The following TRAP1 variants were observed in gnomAD, a reference collection of about 807,000 sequenced individuals.
TRAP1 encodes heat shock protein 75 kDa, mitochondrial.
TRAP1 carries 102 observed loss-of-function variants against 89.1 expected under a neutral mutation model. The observed-to-expected ratio is 1.15, with a 90% CI of 0.98 to 1.35. The LOEUF (loss-of-function observed/expected upper bound fraction) is 1.35. Among genes scored for constraint, TRAP1 ranks in the 40% most tolerant of loss-of-function variants. TRAP1 has a pLI of 0.00. For missense variants in TRAP1, 1,256 were observed against 945.3 expected, an observed-to-expected ratio of 1.33 and a Z score of -4.31; for synonymous variants, 508 against 388.0, an observed-to-expected ratio of 1.31 and a Z score of -3.64.
chr16:3,665,595 C>T (rs919335603), intron 12 of TRAP1: 2 of 225,328 alleles, frequency 8.9e-6, no homozygotes, highest in African/African-American at 2.3e-5. Context: ...ACTGAGACCA[C>T]CCACTTCCCC....
chr16:3,711,476 G>A (rs1440834089), intron 1 of TRAP1, among the ~76,000 whole-genome samples: 2 of 152,058 alleles, frequency 1.3e-5, no homozygotes, highest in Non-Finnish European at 2.9e-5. Context: ...GTGCATGCCT[G>A]TAGCCCCAGC....
intron 1 of TRAP1, among the ~76,000 whole-genome samples, chr16:3,706,613 C>A (rs368584757): frequency 2.3e-4 from 35 of 152,014 alleles, no homozygotes; most frequent in African/African-American, 7.7e-4. Context: ...GCATGTGCCA[C>A]CACACCCAGC....
Position 3,679,658 on chromosome 16 carries a change from A to AC in TRAP1, c.543+60dup, listed in dbSNP as rs1275183647. ...TAATCTGGCACCCAGGGCCACCCCT[A>AC]CTGGAGGGATCCTTGCACCCTGAGG... On this transcript the variant is annotated intron_variant, in intron 5 of 17. Transcript: ENST00000246957. The AC allele has an allele frequency of 7.0e-6, 11 of 1,570,714 alleles. No individual in the cohort carries two copies. In the Middle Eastern group the frequency reaches 8.3e-4, roughly 119 times the overall value.
Position 3,664,400 on chromosome 16 carries a change from G to C in TRAP1, c.1443C>G (p.Thr481=). ...TGCGGCTGGCGTATTCTGAGAGGCTGGTTAGCTGCCCGGAGGGCAGCGCCG... is the reference window on the plus strand; with the variant it reads ...TGCGGCTGGCGTATTCTGAGAGGCTCGTTAGCTGCCCGGAGGGCAGCGCCG... ...ESSALPSGQL[T]SLSEYASRMR... The change falls in exon 13 of 18, where the codon ACC becomes ACG. Residue 481 remains threonine (T), a synonymous_variant. Coordinates refer to ENST00000246957, the MANE Select transcript of TRAP1 (RefSeq NM_016292.3). The C allele has an allele frequency of 1.2e-6, 2 of 1,612,424 alleles. No individual in the cohort carries two copies. The highest frequency in any genetic ancestry group is 4.5e-5 in the East Asian group (2 of 44,850).
chr16:3,678,649 G>C (rs1474281768), intron 5 of TRAP1: 2 of 152,312 alleles, frequency 1.3e-5, no homozygotes, highest in Non-Finnish European at 2.9e-5. Context: ...TTTTAGTAGA[G>C]ACGGGGTTTC....
intron 11 of TRAP1, 24 bp from the exon 12 acceptor site, chr16:3,666,142 T>C (rs1296849857): frequency 1.9e-6 from 3 of 1,604,764 alleles, no homozygotes; most frequent in Non-Finnish European, 2.5e-6. Flanking sequence ...ATGCATTTAA[T>C]ACATACAAGC....
chr16:3,695,055 C>A (rs939291143), intron 1 of TRAP1, among the ~76,000 whole-genome samples: 12 of 152,176 alleles, frequency 7.9e-5, no homozygotes, highest in East Asian at 3.9e-4. Flanking sequence ...TCCCTCTACA[C>A]ATGTCTGTCT....
chr16:3,710,875 A>ATTTT (rs1463164560), intron 1 of TRAP1, among the ~76,000 whole-genome samples: 6 of 59,132 alleles, frequency 1.0e-4, no homozygotes, highest in African/African-American at 4.0e-4. Flanking sequence ...ATATATATAT[A>ATTTT]TATATTTTTT....
intron 4 of TRAP1, 67 bp downstream of exon 4, chr16:3,685,929 T>C (rs1474243029): frequency 1.3e-6 from 2 of 1,569,872 alleles, no homozygotes; most frequent in Non-Finnish European, 8.7e-7. Flanking sequence ...GAGACATCAC[T>C]AGAAGGCGGA....
intron 13 of TRAP1, chr16:3,663,778 A>C (rs2050751337): frequency 1.7e-6 from 1 of 586,846 alleles, no homozygotes; most frequent in Non-Finnish European, 3.0e-6. Flanking sequence ...CCACGCATAA[A>C]GAAATCCACA....
intron 7 of TRAP1, 108 bp downstream of exon 7, chr16:3,675,924 TCTGC>T: frequency 1.1e-6 from 1 of 947,672 alleles, no homozygotes; most frequent in South Asian, 1.7e-5. Context: ...CCTTCACGGC[TCTGC>T]CTGTGCACCC....
Position 3,662,944 on chromosome 16 carries a change from CCTT to C in TRAP1, c.1729_1731del (p.Lys577del), listed in dbSNP as rs754046199. 3.7e-6 allele frequency: 6 copies of C among 1,612,230 alleles called. No individual in the cohort carries two copies. Among genetic ancestry groups the C allele is most frequent in the East Asian group, 2.2e-5 (1 of 44,892 alleles). On this transcript the variant is annotated inframe_deletion, in exon 15 of 18. Transcript: ENST00000246957. ...ATCCAGGCCATGAGCTCCTCCGTCT[CCTT>C]CTCTGATAGGCACTCGGCGGCTGCG...
At chr16:3,700,473 G>GT (rs1445336279) in intron 1 of TRAP1, among the ~76,000 whole-genome samples, 1 of 148,786 alleles carries the variant, frequency 6.7e-6, no homozygotes, top group African/African-American at 2.5e-5. Flanking sequence ...AGACTTTTTT[G>GT]TTTGTTTGTT....
chr16:3,698,184 GAAAAA>G (rs2051315965), intron 1 of TRAP1, among the ~76,000 whole-genome samples: 1 of 151,452 alleles, frequency 6.6e-6, no homozygotes. Context: ...TTGGGAAAAA[GAAAAA>G]AATAAGAAAT....
At position 3,658,192 on chromosome 16, in the gene TRAP1, G is replaced by A. The variant is rs1059857; in HGVS notation, c.2052C>T (p.Asp684=). 86,600 of 1,613,652 alleles carry A rather than the reference G, an allele frequency of 0.054. 3,442 individuals carry two copies. Among genetic ancestry groups the A allele is most frequent in the African/African-American group, 0.19 (14,263 of 74,914 alleles). ...AGCGGCCCACCATGGCCCTAGGGTC[G>A]TCAACAAGTCCAGCAGCAATCATGG... ...ENAMIAAGLV[D]DPRAMVGRLN... The change falls in exon 18 of 18, where the codon GAC becomes GAT. Residue 684 remains aspartate, a synonymous_variant. Transcript: ENST00000246957.
At chr16:3,694,730 G>A (rs1445855200) in intron 1 of TRAP1, among the ~76,000 whole-genome samples, 1 of 152,092 alleles carries the variant, frequency 6.6e-6, no homozygotes, top group East Asian at 1.9e-4. Context: ...CTCCCACTTT[G>A]GCCTCTTAAA....
chr16:3,713,687 G>A (rs991746759), intron 1 of TRAP1, among the ~76,000 whole-genome samples: 6 of 152,332 alleles, frequency 3.9e-5, no homozygotes, highest in South Asian at 2.1e-4. Flanking sequence ...TGACCAACCC[G>A]TCACCGTACC....
chr16:3,684,673 C>T (rs2051115459), intron 4 of TRAP1, among the ~76,000 whole-genome samples: 1 of 152,028 alleles, frequency 6.6e-6, no homozygotes, highest in Admixed American at 6.6e-5. Context: ...ATCCGTAATC[C>T]CAGCTACTCA....
At chr16:3,658,717 G>C (rs545124705) in intron 17 of TRAP1, 76 bp downstream of exon 17, 1 of 1,368,932 alleles carries the variant, frequency 7.3e-7, no homozygotes, top group South Asian at 1.2e-5. Context: ...AGAGGAAACC[G>C]CTGTTCCACC....
Sources: allele counts gnomAD v4.1 joint callset (sites outside exome capture counted in the v4.1 genomes callset), GRCh38; gene constraint gnomAD v4.1.1; transcripts MANE v1.5; gene names NCBI Gene and HGNC (gene_info 2026-07-23, HGNC 2026-07-21).